The following DTD1 variants were observed in gnomAD, a reference collection of about 807,000 sequenced individuals.
DTD1 encodes D-tyrosyl-tRNA deacylase 1 homolog.
Under a neutral mutation model 25.6 loss-of-function variants are expected in DTD1, and 13 were observed. The ratio of observed to expected loss-of-function variants is 0.51; its 90% CI spans 0.33 to 0.81. The LOEUF is 0.81. Among genes scored for constraint, DTD1 ranks in the 30% least tolerant of loss-of-function variants. The pLI, the probability that DTD1 is intolerant of heterozygous loss-of-function variation, is 0.02. For synonymous variants in DTD1, 110 were observed against 103.6 expected (o/e 1.06, Z -0.37); for missense variants, 193 against 266.4 (o/e 0.72, Z 1.92).
intron 5 of DTD1, 138 bp downstream of exon 5, chr20:18,744,409 G>T: frequency 1.1e-6 from 1 of 925,476 alleles, no homozygotes; most frequent in Non-Finnish European, 1.6e-6. Context: ...TGCCTTCCAG[G>T]ATGGAGACAA....
chr20:18,662,429 G>T (rs956919277), intron 4 of DTD1, among the ~76,000 whole-genome samples: 2 of 152,228 alleles, frequency 1.3e-5, no homozygotes, highest in Admixed American at 6.5e-5. Flanking sequence ...CTGGGGGTGG[G>T]GGGGAGAGTA....
intron 3 of DTD1, among the ~76,000 whole-genome samples, chr20:18,618,670 T>TACACACAC (rs1396294369): frequency 9.0e-6 from 1 of 110,822 alleles, no homozygotes; most frequent in Non-Finnish European, 1.8e-5. Context: ...TACATAATTT[T>TACACACAC]ATACACACAC....
At chr20:18,593,099 A>G (rs568227253) in intron 1 of DTD1, among the ~76,000 whole-genome samples, 2 of 152,020 alleles carry the variant, frequency 1.3e-5, no homozygotes, top group African/African-American at 4.8e-5. Flanking sequence ...TTTTTTTTCA[A>G]ATGGACAAGA....
chr20:18,634,171 G>C (rs1279823868), intron 4 of DTD1, among the ~76,000 whole-genome samples: 1 of 152,172 alleles, frequency 6.6e-6, no homozygotes. Flanking sequence ...GCTAGATATT[G>C]GGAGATTTTA....
intron 4 of DTD1, among the ~76,000 whole-genome samples, chr20:18,651,400 C>T (rs1050718660): frequency 3.9e-5 from 6 of 152,256 alleles, no homozygotes; most frequent in Non-Finnish European, 8.8e-5. Context: ...ATCTGCCCGT[C>T]TCCGCCTCCC....
At chr20:18,635,931 G>A (rs1373613250) in intron 4 of DTD1, among the ~76,000 whole-genome samples, 1 of 152,078 alleles carries the variant, frequency 6.6e-6, no homozygotes, top group Non-Finnish European at 1.5e-5. Flanking sequence ...GAATATGTCT[G>A]GTAAATTAAA....
intron 4 of DTD1, among the ~76,000 whole-genome samples, chr20:18,733,892 T>C (rs2061247196): frequency 6.6e-6 from 1 of 152,238 alleles, no homozygotes; most frequent in Non-Finnish European, 1.5e-5. Context: ...AATAATGCAA[T>C]GCCACCACTG....
intron 3 of DTD1, among the ~76,000 whole-genome samples, chr20:18,610,378 A>G (rs1349211417): frequency 1.5e-4 from 23 of 152,126 alleles, no homozygotes; most frequent in Non-Finnish European, 4.4e-5. Context: ...ACGGTGTGCC[A>G]CCACACCTGG....
intron 4 of DTD1, among the ~76,000 whole-genome samples, chr20:18,723,208 A>C (rs572101722): frequency 4.8e-4 from 73 of 152,326 alleles, no homozygotes; most frequent in Non-Finnish European, 8.8e-4. Flanking sequence ...GTGCCCCCAC[A>C]GCTGTGGCAA....
At chr20:18,645,495 A>G (rs2060846931) in intron 4 of DTD1, among the ~76,000 whole-genome samples, 1 of 152,196 alleles carries the variant, frequency 6.6e-6, no homozygotes. Flanking sequence ...GTGTGGCCTC[A>G]ATATCTAAAA....
chr20:18,625,066 G>C (rs2060751705), intron 3 of DTD1, among the ~76,000 whole-genome samples: 1 of 152,166 alleles, frequency 6.6e-6, no homozygotes, highest in African/African-American at 2.4e-5. Flanking sequence ...TCCAAGAAAT[G>C]AATCTGTTGT....
chr20:18,715,060 G>A (rs1403760556), intron 4 of DTD1, among the ~76,000 whole-genome samples: 1 of 152,126 alleles, frequency 6.6e-6, no homozygotes, highest in Non-Finnish European at 1.5e-5. Context: ...GACCAACCCT[G>A]ACTTTGGACA....
chr20:18,626,923 C>T (rs1276378772), intron 3 of DTD1, among the ~76,000 whole-genome samples: 1 of 152,228 alleles, frequency 6.6e-6, no homozygotes, highest in African/African-American at 2.4e-5. Context: ...CTGAAATTTT[C>T]TACTAATTGT....
chr20:18,662,041 A>G (rs1045539345), intron 4 of DTD1, among the ~76,000 whole-genome samples: 4 of 152,090 alleles, frequency 2.6e-5, no homozygotes, highest in Non-Finnish European at 5.9e-5. Flanking sequence ...AGTCCTAGCT[A>G]CTTAGAAGGC....
At chr20:18,668,096 A>G (rs2060938609) in intron 4 of DTD1, among the ~76,000 whole-genome samples, 4 of 152,260 alleles carry the variant, frequency 2.6e-5, no homozygotes, top group Admixed American at 2.6e-4. Flanking sequence ...GGTGTTACAA[A>G]TGTCAGTATT....
chr20:18,617,573 T>C (rs1309719719), intron 3 of DTD1, among the ~76,000 whole-genome samples: 3 of 152,112 alleles, frequency 2.0e-5, no homozygotes, highest in African/African-American at 7.2e-5. Context: ...TAATTAATGA[T>C]TGAATAGGTA....
At chr20:18,704,145 TGCCTGCCACCAC>T (rs1441822802) in intron 4 of DTD1, among the ~76,000 whole-genome samples, 1 of 151,938 alleles carries the variant, frequency 6.6e-6, no homozygotes, top group Non-Finnish European at 1.5e-5. Flanking sequence ...GGACTACAGG[TGCCTGCCACCAC>T]GCCTGGCTAA....
At chr20:18,735,404 A>C (rs964232488) in intron 4 of DTD1, among the ~76,000 whole-genome samples, 1 of 152,222 alleles carries the variant, frequency 6.6e-6, no homozygotes, top group African/African-American at 2.4e-5. Context: ...AGGTCAACTG[A>C]AGGCTTGGCC....
intron 4 of DTD1, among the ~76,000 whole-genome samples, chr20:18,716,812 A>G (rs536030235): frequency 2.0e-5 from 3 of 152,324 alleles, no homozygotes; most frequent in African/African-American, 7.2e-5. Context: ...TCAATAGTCA[A>G]TTAACACATA....
Sources: gnomAD v4.1 joint callset for allele counts (sites outside exome capture counted in the v4.1 genomes callset) on GRCh38, gnomAD v4.1.1 for gene constraint, MANE v1.5 for transcripts, NCBI Gene and HGNC (gene_info 2026-07-23, HGNC 2026-07-21) for gene names.